ADGRL3: variants seen among roughly 807,000 people sequenced by gnomAD.
The protein encoded by ADGRL3 is calcium-independent alpha-latrotoxin receptor 3.
A neutral mutation model predicts 153.5 loss-of-function variants in ADGRL3; 62 were observed. The ratio of observed to expected loss-of-function variants is 0.40; its 90% CI spans 0.33 to 0.50. The LOEUF is 0.50. ADGRL3 is among the 20% of genes least tolerant of loss of function. The probability of loss-of-function intolerance (pLI) is 0.47; values close to 1 mark genes in which losing one functional copy is unlikely to be tolerated. For synonymous variants in ADGRL3, 710 were observed against 672.5 expected, an observed-to-expected ratio of 1.06 and a Z score of -0.86; for missense variants, 1,641 against 1,859.4, an observed-to-expected ratio of 0.88 and a Z score of 2.16.
At chr4:61,384,643 A>G (rs1307457679) in intron 2 of ADGRL3, among the ~76,000 whole-genome samples, 5 of 152,010 alleles carry the variant, frequency 3.3e-5, no homozygotes, top group African/African-American at 1.2e-4. Flanking sequence ...CAAATAACAT[A>G]GGCAAAATCT....
At chr4:62,044,419 A>AAAG in intron 24 of ADGRL3, 34 bp from the exon 25 acceptor site, 1 of 1,315,596 alleles carries the variant, frequency 7.6e-7, no homozygotes, top group East Asian at 2.5e-5. Context: ...CTGCATCATG[A>AAAG]GTTCATTTTC....
intron 1 of ADGRL3, among the ~76,000 whole-genome samples, chr4:61,218,791 G>C (rs868648846): frequency 6.6e-6 from 1 of 152,210 alleles, no homozygotes; most frequent in South Asian, 2.1e-4. Flanking sequence ...TCAGAGGTTA[G>C]AGAACCTGGA....
intron 5 of ADGRL3, among the ~76,000 whole-genome samples, chr4:61,596,957 G>A (rs140842354): frequency 2.7e-3 from 410 of 151,744 alleles, no homozygotes; most frequent in Admixed American, 4.9e-3. Context: ...TTACCTTATC[G>A]CTTGTGTAGA....
chr4:61,634,403 C>A (rs2093325660), intron 5 of ADGRL3, among the ~76,000 whole-genome samples: 1 of 152,130 alleles, frequency 6.6e-6, no homozygotes, highest in African/African-American at 2.4e-5. Context: ...ACTGAAGACT[C>A]ATTTTTCTTA....
At chr4:61,549,540 A>G (rs577988918) in intron 4 of ADGRL3, among the ~76,000 whole-genome samples, 1 of 152,146 alleles carries the variant, frequency 6.6e-6, no homozygotes, top group South Asian at 2.1e-4. Flanking sequence ...ACGCTCTCTG[A>G]CAAACAGGTT....
At chr4:61,583,746 T>G in intron 4 of ADGRL3, 1 of 518,288 alleles carries the variant, frequency 1.9e-6, no homozygotes, top group Non-Finnish European at 3.9e-6. Context: ...AGATTTCACA[T>G]CTAAAACTTT....
chr4:61,696,411 A>C (rs1269619550), intron 6 of ADGRL3, among the ~76,000 whole-genome samples: 1 of 152,140 alleles, frequency 6.6e-6, no homozygotes, highest in African/African-American at 2.4e-5. Context: ...TGGTAGACTA[A>C]GTGTGAATTT....
chr4:61,698,889 C>G (rs540442563), intron 6 of ADGRL3, among the ~76,000 whole-genome samples: 6 of 152,214 alleles, frequency 3.9e-5, no homozygotes, highest in Non-Finnish European at 8.8e-5. Flanking sequence ...AAATTACTTT[C>G]TTTTTAACTG....
At chr4:61,937,902 T>C (rs889419813) in intron 15 of ADGRL3, among the ~76,000 whole-genome samples, 4 of 152,198 alleles carry the variant, frequency 2.6e-5, no homozygotes, top group African/African-American at 4.8e-5. Context: ...AATTAACATA[T>C]AGTTTTTCTG....
At chr4:61,875,022 A>C (rs1000157154) in intron 9 of ADGRL3, among the ~76,000 whole-genome samples, 2 of 150,708 alleles carry the variant, frequency 1.3e-5, no homozygotes, top group Admixed American at 6.7e-5. Context: ...GTTAGTCAGG[A>C]TGGTCTCGAT....
chr4:61,548,425 G>A (rs546958809), intron 4 of ADGRL3, among the ~76,000 whole-genome samples: 1 of 151,892 alleles, frequency 6.6e-6, no homozygotes, highest in East Asian at 1.9e-4. Context: ...TTTTACATTT[G>A]AGCCTTTAAT....
chr4:61,518,903 T>C (rs2098513990), intron 4 of ADGRL3, among the ~76,000 whole-genome samples: 1 of 152,224 alleles, frequency 6.6e-6, no homozygotes, highest in South Asian at 2.1e-4. Context: ...TTTTCTAAAT[T>C]GGATGGGCTT....
chr4:61,734,857 T>G (rs2096488712), intron 8 of ADGRL3, among the ~76,000 whole-genome samples: 1 of 152,228 alleles, frequency 6.6e-6, no homozygotes, highest in Admixed American at 6.5e-5. Flanking sequence ...TTTGTTTTGC[T>G]CAACTCCAAT....
At chr4:61,921,308 A>G (rs1185732892) in intron 13 of ADGRL3, among the ~76,000 whole-genome samples, 1 of 152,110 alleles carries the variant, frequency 6.6e-6, no homozygotes, top group Non-Finnish European at 1.5e-5. Context: ...AGGGCACGCC[A>G]CTGACATTTT....
At chr4:61,893,709 C>CTTTTTTT (rs34248874) in intron 10 of ADGRL3, among the ~76,000 whole-genome samples, 6 of 97,430 alleles carry the variant, frequency 6.2e-5, no homozygotes, top group Admixed American at 2.9e-4. Flanking sequence ...ATTTCTTTGC[C>CTTTTTTT]TTTTTTTTTT....
chr4:61,794,093 T>C (rs574962428), intron 8 of ADGRL3, among the ~76,000 whole-genome samples: 144 of 152,310 alleles, frequency 9.5e-4, no homozygotes, highest in African/African-American at 3.3e-3. Context: ...TGCACAGACA[T>C]AGTCGTAGTG....
intron 5 of ADGRL3, among the ~76,000 whole-genome samples, chr4:61,635,693 C>A (rs1021349513): frequency 1.3e-5 from 2 of 152,060 alleles, no homozygotes; most frequent in African/African-American, 2.4e-5. Flanking sequence ...TAACCAAGAA[C>A]CTCAGACTGG....
intron 2 of ADGRL3, among the ~76,000 whole-genome samples, chr4:61,387,763 A>G (rs2096755603): frequency 6.6e-6 from 1 of 152,088 alleles, no homozygotes; most frequent in Non-Finnish European, 1.5e-5. Context: ...CAATTTGTGC[A>G]GTTAATGCAA....
At chr4:61,964,707 T>A (rs1454201433) in intron 17 of ADGRL3, among the ~76,000 whole-genome samples, 1 of 152,072 alleles carries the variant, frequency 6.6e-6, no homozygotes, top group African/African-American at 2.4e-5. Flanking sequence ...GTTTTCTTCT[T>A]CATTAGTGAA....
Sources: gnomAD v4.1 joint callset for allele counts (sites outside exome capture counted in the v4.1 genomes callset) on GRCh38, gnomAD v4.1.1 for gene constraint, MANE v1.5 for transcripts, NCBI Gene and HGNC (gene_info 2026-07-23, HGNC 2026-07-21) for gene names.